GCSAML: variants seen among roughly 807,000 people sequenced by gnomAD.
The protein encoded by GCSAML is germinal center associated signaling and motility like, also known as germinal center-associated signaling and motility-like protein.
In GCSAML, 9 loss-of-function variants were observed where a neutral mutation model predicts 13.0. That is an observed-to-expected ratio of 0.69 (90% CI 0.42 to 1.21). The LOEUF is 1.21. Ranked by LOEUF, GCSAML falls within the 50% of genes most tolerant of loss-of-function variation. The pLI, the probability that GCSAML is intolerant of heterozygous loss-of-function variation, is 0.00. For synonymous variants in GCSAML, 37 were observed against 52.9 expected (o/e 0.70, Z 1.31); for missense variants, 143 against 153.4 (o/e 0.93, Z 0.36).
At chr1:247,559,656 C>T (rs1668058496) in intron 2 of GCSAML, among the ~76,000 whole-genome samples, 1 of 152,114 alleles carries the variant, frequency 6.6e-6, no homozygotes, top group Non-Finnish European at 1.5e-5. Context: ...AGCGAAGTAC[C>T]ATAGACTGGG....
chr1:247,566,035 CA>C, intron 4 of GCSAML, 76 bp downstream of exon 4: 1 of 993,696 alleles, frequency 1.0e-6, no homozygotes, highest in South Asian at 1.8e-5. Flanking sequence ...TGCCAAAATA[CA>C]GATGATTTAT....
chr1:247,545,118 G>A (rs73148490), upstream of GCSAML, among the ~76,000 whole-genome samples: 10,473 of 152,186 alleles, frequency 0.069, 1,112 homozygotes, highest in African/African-American at 0.23. Flanking sequence ...TGAAATAATT[G>A]AGTCAGATTT....
chr1:247,518,894 C>T (rs1666316834), intron 1 of GCSAML, among the ~76,000 whole-genome samples: 2 of 151,854 alleles, frequency 1.3e-5, no homozygotes, highest in South Asian at 2.1e-4. Flanking sequence ...GAGGCTGAAG[C>T]GGGAGGATCG....
At chr1:247,566,226 G>C (rs1468367098) in intron 4 of GCSAML, among the ~76,000 whole-genome samples, 1 of 151,992 alleles carries the variant, frequency 6.6e-6, no homozygotes, top group African/African-American at 2.4e-5. Context: ...CCTCAATTCT[G>C]CTGAAGTCTA....
At chr1:247,555,187 C>T (rs750231483) in intron 1 of GCSAML, among the ~76,000 whole-genome samples, 1 of 152,146 alleles carries the variant, frequency 6.6e-6, no homozygotes, top group Non-Finnish European at 1.5e-5. Context: ...AAAATACAAA[C>T]ATCCTTTAGA....
At chr1:247,565,289 C>T (rs1455864034) in intron 3 of GCSAML, among the ~76,000 whole-genome samples, 3 of 151,266 alleles carry the variant, frequency 2.0e-5, no homozygotes, top group South Asian at 2.1e-4. Context: ...ACCCAGGAGG[C>T]GGAGGTTGCA....
chr1:247,531,267 A>G, intron 2 of GCSAML: 1 of 419,784 alleles, frequency 2.4e-6, no homozygotes, highest in South Asian at 3.2e-5. Context: ...GATACTGAGG[A>G]ACAGCTGAAC....
rs1194519617 is a variant in GCSAML, at chr1:247,563,603, A to G, written c.103A>G (p.Thr35Ala). The change falls in exon 3 of 5, where the codon ACA (threonine) becomes GCA (alanine). Residue 35 changes from threonine to alanine, a missense_variant. Thr to Ala is a moderately conservative substitution (Grantham distance 58). Coordinates refer to ENST00000366488, the MANE Select transcript of GCSAML (RefSeq NM_145278.5). Reference protein sequence around the residue: ...DEERKRQEMTTFERKLQDQDK... With the variant: ...DEERKRQEMTAFERKLQDQDK... ...CTTTCCTTGTAGGCAGGAAATGACTACATTTGAAAGAAAACTTCAAGATCA... is the reference window on the plus strand; with the variant it reads ...CTTTCCTTGTAGGCAGGAAATGACTGCATTTGAAAGAAAACTTCAAGATCA... 4 of 1,580,008 alleles carry G rather than the reference A, an allele frequency of 2.5e-6. No individual in the cohort carries two copies. Among genetic ancestry groups the G allele is most frequent in the Non-Finnish European group, 3.5e-6 (4 of 1,150,226 alleles).
In GCSAML at chr1:247,574,291, C is replaced by T. The variant is rs1423691806; in HGVS notation, c.317C>T (p.Ser106Leu). The T allele has an allele frequency of 1.9e-6, 3 of 1,614,038 alleles. No individual in the cohort carries two copies. The highest frequency in any genetic ancestry group is 2.5e-6 in the Non-Finnish European group (3 of 1,179,972). ...AAAGTGAGACAGTTTAGAGAAAGGTCAGAGACAGAATATGCCCTTCTTAGG... is the reference window on the plus strand; with the variant it reads ...AAAGTGAGACAGTTTAGAGAAAGGTTAGAGACAGAATATGCCCTTCTTAGG... ...TRKVRQFRER[S>L]ETEYALLRTS... The change falls in exon 5 of 5, where the codon TCA becomes TTA. Residue 106 changes from serine (S) to leucine (L), a missense_variant. Coordinates refer to ENST00000366488, the MANE Select transcript of GCSAML (RefSeq NM_145278.5).
intron 2 of GCSAML, among the ~76,000 whole-genome samples, chr1:247,558,937 T>A (rs1011773444): frequency 6.6e-6 from 1 of 152,242 alleles, no homozygotes. Context: ...ATTTCTGCTT[T>A]ATAGATTTTA....
chr1:247,550,384 TC>T (rs1456428986), intron 1 of GCSAML, among the ~76,000 whole-genome samples: 10 of 152,188 alleles, frequency 6.6e-5, no homozygotes, highest in Non-Finnish European at 1.5e-4. Context: ...ATGTCTGTAA[TC>T]CCAGCACTTT....
At chr1:247,559,561 G>A (rs1668055393) in intron 2 of GCSAML, among the ~76,000 whole-genome samples, 1 of 152,174 alleles carries the variant, frequency 6.6e-6, no homozygotes, top group South Asian at 2.1e-4. Context: ...CTCGGATAGG[G>A]AGGATAGAGG....
chr1:247,543,870 G>A (rs1667485699), intron 2 of GCSAML, among the ~76,000 whole-genome samples: 3 of 152,180 alleles, frequency 2.0e-5, no homozygotes, highest in Admixed American at 1.3e-4. Flanking sequence ...GCTCACTGCA[G>A]CTTCAAACTC....
intron 1 of GCSAML, among the ~76,000 whole-genome samples, chr1:247,509,680 G>C (rs1437126764): frequency 6.6e-6 from 1 of 152,062 alleles, no homozygotes; most frequent in Admixed American, 6.6e-5. Context: ...CATTCCATCA[G>C]TACCTAGTTT....
intron 2 of GCSAML, 133 bp downstream of exon 2, chr1:247,556,599 C>T (rs1373104558): frequency 8.4e-6 from 5 of 596,490 alleles, no homozygotes; most frequent in African/African-American, 3.7e-5. Context: ...TTGGTGATTA[C>T]CTGCATGACT....
intron 1 of GCSAML, chr1:247,519,145 G>C (rs1666330300): frequency 6.6e-6 from 1 of 152,236 alleles, no homozygotes; most frequent in South Asian, 2.1e-4. Context: ...TCTCTTTCAG[G>C]GGTCTCAGAC....
intron 1 of GCSAML, among the ~76,000 whole-genome samples, chr1:247,550,800 T>C (rs1667753914): frequency 6.6e-6 from 1 of 152,118 alleles, no homozygotes; most frequent in African/African-American, 2.4e-5. Flanking sequence ...ATGTTTCCCT[T>C]CTTTTAAAGT....
intron 1 of GCSAML, among the ~76,000 whole-genome samples, chr1:247,522,303 C>T (rs1400863327): frequency 1.8e-5 from 2 of 108,506 alleles, no homozygotes; most frequent in Admixed American, 9.1e-5. Context: ...AGGTGGGGGG[C>T]GCCTCCACCT....
chr1:247,551,380 A>G (rs1265398278), intron 1 of GCSAML, among the ~76,000 whole-genome samples: 1 of 152,206 alleles, frequency 6.6e-6, no homozygotes, highest in Non-Finnish European at 1.5e-5. Flanking sequence ...TTCAGAGATG[A>G]CTCCAGTAGC....
Sources: gnomAD v4.1 joint callset for allele counts (sites outside exome capture counted in the v4.1 genomes callset) on GRCh38, gnomAD v4.1.1 for gene constraint, MANE v1.5 for transcripts, NCBI Gene and HGNC (gene_info 2026-07-23, HGNC 2026-07-21) for gene names.